The following PON2 variants were observed in gnomAD, a reference collection of about 807,000 sequenced individuals.
The protein encoded by PON2 is paraoxonase 2, also known as serum paraoxonase/arylesterase 2.
In PON2, 27 loss-of-function variants were observed where a neutral mutation model predicts 36.6. That is an observed-to-expected ratio of 0.74 (90% CI 0.54 to 1.02). The LOEUF (loss-of-function observed/expected upper bound fraction) is 1.02. PON2 is among the 50% of genes least tolerant of loss of function. The pLI is 0.00. For missense variants in PON2, 363 were observed against 421.1 expected, an observed-to-expected ratio of 0.86 and a Z score of 1.21; for synonymous variants, 149 against 156.3, an observed-to-expected ratio of 0.95 and a Z score of 0.35.
Position 95,414,507 on chromosome 7 carries a change from T to C in PON2, c.201+1735A>G, listed in dbSNP as rs146528517. Among the ~76,000 whole-genome samples, 577 of 152,332 alleles carry C rather than the reference T, an allele frequency of 3.8e-3. 4 individuals are homozygous for C. The highest frequency in any genetic ancestry group is 5.5e-3 in the Non-Finnish European group (371 of 68,022). On this transcript the variant is annotated intron_variant, in intron 3 of 8. Transcript: ENST00000222572. ...AAGCTAAAATGGCTGTAGATTTATGTGTTTGGAGACCTCATCCCTCCTACT... is the reference window on the plus strand; with the variant it reads ...AAGCTAAAATGGCTGTAGATTTATGCGTTTGGAGACCTCATCCCTCCTACT...
intron 2 of PON2, 23 bp from the exon 3 acceptor site, chr7:95,416,320 A>C (rs1361081701): frequency 1.2e-6 from 2 of 1,611,948 alleles, no homozygotes; most frequent in Non-Finnish European, 1.7e-6. Flanking sequence ...GGAACAGATA[A>C]ATGTCATGTT....
chr7:95,429,683 G>A (rs1562793554), intron 1 of PON2, among the ~76,000 whole-genome samples: 2 of 152,194 alleles, frequency 1.3e-5, no homozygotes, highest in African/African-American at 2.4e-5. Context: ...GTTACTATCA[G>A]GAGTTTCTTT....
intron 1 of PON2, among the ~76,000 whole-genome samples, chr7:95,430,505 G>A (rs1789413733): frequency 6.6e-6 from 1 of 151,774 alleles, no homozygotes; most frequent in Non-Finnish European, 1.5e-5. Context: ...TCACCATGTT[G>A]GTCAGGCTGG....
intron 1 of PON2, among the ~76,000 whole-genome samples, chr7:95,424,974 C>T (rs994609464): frequency 2.0e-5 from 3 of 152,024 alleles, no homozygotes; most frequent in Non-Finnish European, 4.4e-5. Flanking sequence ...AAGAGTCAAA[C>T]GTGAAAAATG....
At chr7:95,419,324 C>A (rs1348572220) in intron 2 of PON2, among the ~76,000 whole-genome samples, 1 of 152,024 alleles carries the variant, frequency 6.6e-6, no homozygotes, top group Non-Finnish European at 1.5e-5. Context: ...TGGGGGGGAT[C>A]TGGGGAGGGT....
In PON2 at chr7:95,405,291, A is replaced by C. The variant is rs1341928472; in HGVS notation, c.*39T>G. The C allele has an allele frequency of 1.0e-5, 16 of 1,598,818 alleles. No individual in the cohort carries two copies. Among genetic ancestry groups the C allele is most frequent in the African/African-American group, 1.3e-5 (1 of 74,606 alleles). The stretch of plus-strand genomic sequence containing the variant: ...CAGAATTAGCAATTCATAGAAAATT[A>C]ATTGTTAAGTTATCGCACTTTCATG... On this transcript the variant is annotated 3_prime_UTR_variant, in exon 9 of 9. Transcript: ENST00000222572.
At chr7:95,412,104 A>C (rs948358005) in intron 4 of PON2, among the ~76,000 whole-genome samples, 12 of 152,262 alleles carry the variant, frequency 7.9e-5, no homozygotes, top group Non-Finnish European at 1.8e-4. Flanking sequence ...ACATTCTTTC[A>C]GGTGTTACCT....
At chr7:95,428,601 G>T (rs1789367726) in intron 1 of PON2, among the ~76,000 whole-genome samples, 1 of 152,106 alleles carries the variant, frequency 6.6e-6, no homozygotes, top group South Asian at 2.1e-4. Context: ...CAAAATATCT[G>T]CTGTTAGACA....
rs1015988170 is a variant in PON2 at position 95,406,927 on chromosome 7, A to G, written c.777+60T>C. ...TTCTACGTGTGGTACTCTTATAGAA[A>G]AACTATGTCATTGCAAAGCATAATA... On this transcript the variant is annotated intron_variant, in intron 7 of 8. Transcript: ENST00000222572. 3 of 1,082,944 alleles carry G rather than the reference A, an allele frequency of 2.8e-6. No individual in the cohort carries two copies. The South Asian group carries it at 4.2e-5, about 15-fold the overall frequency. 67.1% of individuals were successfully genotyped at this position (1,082,944 alleles called of 1,614,324 possible).
At chr7:95,420,692 G>C (rs1490389122) in intron 2 of PON2, among the ~76,000 whole-genome samples, 2 of 152,184 alleles carry the variant, frequency 1.3e-5, no homozygotes, top group Non-Finnish European at 2.9e-5. Flanking sequence ...GGGAATCAAG[G>C]GCAAGGGGGA....
At position 95,404,906 on chromosome 7, in the gene PON2, TAAAC is replaced by T. The variant is rs1809635457; in HGVS notation, c.*420_*423del. 5.9e-6 allele frequency: 1 copy of T among 169,136 alleles called. No homozygotes were observed. Among genetic ancestry groups the T allele is most frequent in the African/African-American group, 2.4e-5 (1 of 41,536 alleles). 10.5% of individuals were successfully genotyped at this position (169,136 alleles called of 1,614,324 possible). On this transcript the variant is annotated 3_prime_UTR_variant, in exon 9 of 9. Transcript: ENST00000222572. ...TAATATAACTCCAACTTTTTAATGG[TAAAC>T]AAAGATGTAAGTACAAAACATCAAA... is the stretch of plus-strand genomic sequence containing the variant.
At chr7:95,405,608 C>G in intron 8 of PON2, 120 bp from the exon 9 acceptor site, 1 of 978,972 alleles carries the variant, frequency 1.0e-6, no homozygotes, top group Non-Finnish European at 1.6e-6. Context: ...TTGAAAATAG[C>G]AGTTACCAAT....
In PON2 at chr7:95,405,560, G is replaced by A. The variant is rs1809662218; in HGVS notation, c.907-72C>T. 5.6e-6 allele frequency: 8 copies of A among 1,429,406 alleles called. No individual in the cohort carries two copies. The African/African-American group carries it at 8.4e-5, about 15-fold the overall frequency. The allele number at this position is 1,429,406 out of a possible 1,614,324, so 88.5% of individuals were successfully genotyped here. On this transcript the variant is annotated intron_variant, in intron 8 of 8. Coordinates refer to ENST00000222572, the MANE Select transcript of PON2 (RefSeq NM_000305.3). ...TGTCACTCAATCATCAATAAGCCCT[G>A]TTTTCCACAATGACACACTGATTAA...
intron 1 of PON2, among the ~76,000 whole-genome samples, chr7:95,428,296 T>A (rs1403631349): frequency 6.6e-6 from 1 of 152,190 alleles, no homozygotes; most frequent in Non-Finnish European, 1.5e-5. Flanking sequence ...GCAAACAGTA[T>A]CCGCTGGCTT....
rs767633545 is a variant in PON2 at position 95,405,309 on chromosome 7, C to T, written c.*21G>A. 7.4e-6 allele frequency: 12 copies of T among 1,611,514 alleles called. No individual in the cohort carries two copies. The highest frequency in any genetic ancestry group is 2.7e-5 in the African/African-American group (2 of 74,868). On this transcript the variant is annotated 3_prime_UTR_variant, in exon 9 of 9. Coordinates refer to ENST00000222572, the MANE Select transcript of PON2 (RefSeq NM_000305.3). ...GAAAATTAATTGTTAAGTTATCGCA[C>T]TTTCATGCCAAAAGTACAATTTAGA...
At chr7:95,434,573 T>G (rs2116516841) in intron 1 of PON2, among the ~76,000 whole-genome samples, 1 of 152,338 alleles carries the variant, frequency 6.6e-6, no homozygotes, top group East Asian at 1.9e-4. Context: ...GGCCCTTGGG[T>G]AATTGCAAAG....
chr7:95,434,735 G>A (rs750833128), intron 1 of PON2, 143 bp downstream of exon 1: 1 of 829,910 alleles, frequency 1.2e-6, no homozygotes, highest in Non-Finnish European at 1.8e-6. Flanking sequence ...GCTGGGGGAG[G>A]GACAGCATTC....
chr7:95,427,050 T>C (rs1293074178), intron 1 of PON2, among the ~76,000 whole-genome samples: 1 of 152,224 alleles, frequency 6.6e-6, no homozygotes, highest in African/African-American at 2.4e-5. Context: ...TTTTCTTGTA[T>C]AATATCATGT....
chr7:95,431,565 A>G (rs370902560), intron 1 of PON2, among the ~76,000 whole-genome samples: 42 of 151,916 alleles, frequency 2.8e-4, no homozygotes, highest in Admixed American at 1.4e-3. Context: ...GATTACAGGG[A>G]TGCACCACCA....
Sources: gnomAD v4.1 joint callset for allele counts (sites outside exome capture counted in the v4.1 genomes callset) on GRCh38, gnomAD v4.1.1 for gene constraint, MANE v1.5 for transcripts, NCBI Gene and HGNC (gene_info 2026-07-23, HGNC 2026-07-21) for gene names.